Variants in PDE4D observed in about 807,000 individuals in gnomAD.
PDE4D encodes 3',5'-cyclic-AMP phosphodiesterase 4D.
A neutral mutation model predicts 87.4 loss-of-function variants in PDE4D; 24 were observed. That is an observed-to-expected ratio of 0.27 (90% CI 0.20 to 0.39). The LOEUF is 0.39. Ranked by LOEUF, PDE4D falls within the 10% of genes least tolerant of loss-of-function variation. The pLI is 1.00. For missense variants in PDE4D, 714 were observed against 1,041.0 expected (o/e 0.69, Z 4.32); for synonymous variants, 384 against 383.2 (o/e 1.00, Z -0.02).
intron 1 of PDE4D, among the ~76,000 whole-genome samples, chr5:59,443,982 G>GTC (rs1390482187): frequency 2.6e-5 from 4 of 152,158 alleles, no homozygotes; most frequent in African/African-American, 9.7e-5. Context: ...TAAGGTGGCA[G>GTC]TCTCTTCTCA....
intron 1 of PDE4D, among the ~76,000 whole-genome samples, chr5:59,341,137 C>T (rs1479597786): frequency 1.3e-5 from 2 of 152,088 alleles, no homozygotes; most frequent in East Asian, 3.9e-4. Flanking sequence ...CTCAAGTGCT[C>T]TATGGCTACT....
At chr5:60,106,599 T>G (rs935844271) in intron 2 of PDE4D, among the ~76,000 whole-genome samples, 1 of 150,418 alleles carries the variant, frequency 6.6e-6, no homozygotes, top group African/African-American at 2.4e-5. Context: ...ATTGACCACA[T>G]AGTTGGAAGT....
intron 5 of PDE4D, chr5:59,172,842 G>T (rs1783227855): frequency 6.6e-6 from 1 of 151,938 alleles, no homozygotes; most frequent in Admixed American, 6.6e-5. Flanking sequence ...TTTACCTCCA[G>T]AGCGTATGCA....
chr5:59,649,759 G>A lies in PDE4D; in HGVS notation c.455+243409C>T, dbSNP rs150997162. Among the ~76,000 whole-genome samples the A allele has an allele frequency of 2.8e-3, 427 of 151,070 alleles. 4 individuals carry two copies. Among genetic ancestry groups the A allele is most frequent in the African/African-American group, 9.8e-3 (401 of 41,098 alleles). On this transcript the variant is annotated intron_variant, in intron 1 of 14. Coordinates refer to ENST00000340635, the MANE Select transcript of PDE4D (RefSeq NM_001104631.2). ...TAGGATGGCATGCTTACCTGTCACC[G>A]TTGCTTGGTATCCATCAGGAAATGT...
intron 1 of PDE4D, among the ~76,000 whole-genome samples, chr5:59,672,190 G>A (rs1354918602): frequency 6.6e-6 from 1 of 152,136 alleles, no homozygotes; most frequent in Non-Finnish European, 1.5e-5. Flanking sequence ...CACAGAAAGA[G>A]ACTAGATGGT....
chr5:59,472,720 T>A (rs1802638044), intron 1 of PDE4D, among the ~76,000 whole-genome samples: 1 of 152,128 alleles, frequency 6.6e-6, no homozygotes, highest in African/African-American at 2.4e-5. Context: ...AACATACTAA[T>A]GCCTACCCAA....
At chr5:59,055,228 C>T (rs1304158643) in intron 5 of PDE4D, among the ~76,000 whole-genome samples, 1 of 152,082 alleles carries the variant, frequency 6.6e-6, no homozygotes, top group Non-Finnish European at 1.5e-5. Flanking sequence ...GACACCTTTC[C>T]GTTTGGCCCT....
intron 1 of PDE4D, among the ~76,000 whole-genome samples, chr5:60,496,236 A>G (rs1226632875): frequency 1.3e-5 from 2 of 152,202 alleles, no homozygotes; most frequent in Non-Finnish European, 2.9e-5. Flanking sequence ...GCTGTTGTTT[A>G]AGAACATAAA....
intron 3 of PDE4D, among the ~76,000 whole-genome samples, chr5:59,943,209 AT>A (rs1757365429): frequency 1.5e-5 from 1 of 68,190 alleles, no homozygotes; most frequent in Non-Finnish European, 3.3e-5. Flanking sequence ...TATTATTATT[AT>A]CCTTTTTTTT....
intron 1 of PDE4D, among the ~76,000 whole-genome samples, chr5:59,364,335 A>G (rs1782702157): frequency 6.6e-6 from 1 of 152,128 alleles, no homozygotes; most frequent in African/African-American, 2.4e-5. Context: ...CTTGATGAAA[A>G]CTTTAGCTTA....
chr5:59,828,948 T>G (rs1770652191), intron 1 of PDE4D, among the ~76,000 whole-genome samples: 1 of 151,884 alleles, frequency 6.6e-6, no homozygotes, highest in South Asian at 2.1e-4. Context: ...AGGCTAAGTC[T>G]CAAATCAAAG....
intron 1 of PDE4D, among the ~76,000 whole-genome samples, chr5:60,237,911 A>G (rs930024258): frequency 1.8e-4 from 27 of 151,004 alleles, no homozygotes; most frequent in African/African-American, 5.9e-4. Context: ...AATGTTGGGG[A>G]AAAAAACAAA....
At chr5:60,242,868 C>T (rs1167569424) in intron 1 of PDE4D, among the ~76,000 whole-genome samples, 3 of 151,706 alleles carry the variant, frequency 2.0e-5, no homozygotes, top group Non-Finnish European at 1.5e-5. Flanking sequence ...TAAGTGCCCA[C>T]ATCAAAAAAG....
intron 1 of PDE4D, among the ~76,000 whole-genome samples, chr5:59,542,344 AGAGAGTACAGACATTGG>A (rs1816502375): frequency 6.6e-6 from 1 of 152,184 alleles, no homozygotes; most frequent in Non-Finnish European, 1.5e-5. Flanking sequence ...CACACTGTAC[AGAGAGTACAGACATTGG>A]GATGGAGGAA....
chr5:59,291,357 C>T (rs941771068), intron 1 of PDE4D, among the ~76,000 whole-genome samples: 1 of 151,986 alleles, frequency 6.6e-6, no homozygotes, highest in Non-Finnish European at 1.5e-5. Flanking sequence ...ACATGTTCTC[C>T]CTTTTTGTGG....
intron 1 of PDE4D, among the ~76,000 whole-genome samples, chr5:59,846,675 G>T (rs2152713314): frequency 1.3e-5 from 2 of 152,032 alleles, no homozygotes; most frequent in South Asian, 4.2e-4. Context: ...CAATGTGCAT[G>T]GGGTCCTGTA....
At chr5:60,117,266 T>G (rs1448249183) in intron 2 of PDE4D, among the ~76,000 whole-genome samples, 1 of 151,996 alleles carries the variant, frequency 6.6e-6, no homozygotes, top group Non-Finnish European at 1.5e-5. Flanking sequence ...CTTTTATCCC[T>G]TAAGAGCTAT....
At chr5:59,718,995 C>A (rs1470562684) in intron 1 of PDE4D, among the ~76,000 whole-genome samples, 7 of 150,096 alleles carry the variant, frequency 4.7e-5, no homozygotes, top group African/African-American at 1.7e-4. Context: ...TAAAGCCAGC[C>A]ACTCTTAGAA....
At chr5:59,606,178 A>G (rs1310239989) in intron 1 of PDE4D, among the ~76,000 whole-genome samples, 1 of 152,086 alleles carries the variant, frequency 6.6e-6, no homozygotes, top group Non-Finnish European at 1.5e-5. Flanking sequence ...ATCAACTCGT[A>G]TAAATTCTGT....
Sources: allele counts gnomAD v4.1 joint callset (sites outside exome capture counted in the v4.1 genomes callset), GRCh38; gene constraint gnomAD v4.1.1; transcripts MANE v1.5; gene names NCBI Gene and HGNC (gene_info 2026-07-23, HGNC 2026-07-21).